Variants in ERC1 observed in about 807,000 individuals in gnomAD.
ERC1 encodes the protein RAB6 interacting protein 2.
ERC1 carries 56 observed loss-of-function variants against 132.0 expected under a neutral mutation model. The observed-to-expected ratio is 0.42, with a 90% confidence interval of 0.34 to 0.53. The LOEUF is 0.53. Among genes scored for constraint, ERC1 ranks in the 20% least tolerant of loss-of-function variants. The pLI, the probability that ERC1 is intolerant of heterozygous loss-of-function variation, is 0.03. For synonymous variants in ERC1, 478 were observed against 476.1 expected (o/e 1.00, Z -0.05); for missense variants, 1,202 against 1,349.9 (o/e 0.89, Z 1.72).
chr12:1,455,897 A>G (rs1480061080), intron 18 of ERC1, among the ~76,000 whole-genome samples: 6 of 152,210 alleles, frequency 3.9e-5, no homozygotes, highest in Non-Finnish European at 7.3e-5. Context: ...CTACACATTA[A>G]TTCCTTAGTT....
chr12:1,051,398 A>C (rs1971939010), intron 2 of ERC1, among the ~76,000 whole-genome samples: 4 of 152,114 alleles, frequency 2.6e-5, no homozygotes, highest in Admixed American at 2.0e-4. Context: ...AATTAGAAAT[A>C]AAGAAGACTG....
intron 15 of ERC1, among the ~76,000 whole-genome samples, chr12:1,295,255 C>T (rs539871843): frequency 1.3e-5 from 2 of 152,278 alleles, no homozygotes; most frequent in Admixed American, 6.5e-5. Context: ...CACTCAGATT[C>T]GAAAGGTCCC....
chr12:1,233,572 T>C (rs954639014), intron 12 of ERC1, among the ~76,000 whole-genome samples: 1 of 152,066 alleles, frequency 6.6e-6, no homozygotes, highest in Non-Finnish European at 1.5e-5. Context: ...TAATTATTAT[T>C]TTTACCTAAA....
At chr12:1,411,698 T>A (rs1001014224) in intron 17 of ERC1, among the ~76,000 whole-genome samples, 1 of 152,164 alleles carries the variant, frequency 6.6e-6, no homozygotes, top group South Asian at 2.1e-4. Flanking sequence ...TGGATGTAGT[T>A]TACTGGTCTC....
chr12:1,104,546 G>T (rs1945038973), intron 3 of ERC1, among the ~76,000 whole-genome samples: 1 of 152,136 alleles, frequency 6.6e-6, no homozygotes, highest in African/African-American at 2.4e-5. Flanking sequence ...TCAGAGATAG[G>T]GATCCTCCTA....
At chr12:1,069,168 GT>G (rs1157854843) in intron 2 of ERC1, among the ~76,000 whole-genome samples, 1 of 152,206 alleles carries the variant, frequency 6.6e-6, no homozygotes, top group Admixed American at 6.5e-5. Context: ...CATTTGTGGG[GT>G]TTTTTTGTTT....
At chr12:1,059,612 C>G (rs558743283) in intron 2 of ERC1, among the ~76,000 whole-genome samples, 1 of 152,184 alleles carries the variant, frequency 6.6e-6, no homozygotes, top group Non-Finnish European at 1.5e-5. Context: ...TTTTGTCATT[C>G]ATGCTGTTGA....
Position 1,168,215 on chromosome 12 carries a change from G to A in ERC1, c.1738-12325G>A, listed in dbSNP as rs568032244. ...GGCTCACTGCAGCCTCAACTTCCTG[G>A]GCTCAGGTGATCCTCCTACCTCAGT... On this transcript the variant is annotated intron_variant, in intron 8 of 18. Transcript: ENST00000360905. 3.3e-5 allele frequency among the ~76,000 whole-genome samples: 5 copies of A among 152,094 alleles called. No individual in the cohort carries two copies. The East Asian group carries it at 9.7e-4, about 29-fold the overall frequency.
At chr12:1,291,896 A>G (rs936373280) in intron 15 of ERC1, among the ~76,000 whole-genome samples, 2 of 152,210 alleles carry the variant, frequency 1.3e-5, no homozygotes, top group African/African-American at 2.4e-5. Flanking sequence ...TTTAATTGGC[A>G]GATCCCACAA....
chr12:1,022,902 G>A (rs1458466060), intron 1 of ERC1, among the ~76,000 whole-genome samples: 3 of 152,148 alleles, frequency 2.0e-5, no homozygotes, highest in Non-Finnish European at 4.4e-5. Context: ...ACAGGCGTTA[G>A]CCACCGCGCC....
intron 14 of ERC1, among the ~76,000 whole-genome samples, chr12:1,266,389 G>C (rs1390549824): frequency 1.7e-5 from 1 of 60,392 alleles, no homozygotes; most frequent in Non-Finnish European, 3.4e-5. Context: ...ATCGTTTCCT[G>C]TCTTTTTTTT....
chr12:1,017,495 AT>A (rs67654163), intron 1 of ERC1, among the ~76,000 whole-genome samples: 15,548 of 124,830 alleles, frequency 0.12, 1,112 homozygotes, highest in African/African-American at 0.28. Context: ...TTGTTCTGGT[AT>A]TTTTTTTTTT....
intron 16 of ERC1, chr12:1,380,006 A>G (rs572731171): frequency 1.3e-5 from 2 of 151,918 alleles, no homozygotes; most frequent in East Asian, 3.9e-4. Context: ...ACAGAAATGA[A>G]CTACAAATAC....
At chr12:1,116,506 C>A (rs543057475) in intron 7 of ERC1, among the ~76,000 whole-genome samples, 37 of 152,086 alleles carry the variant, frequency 2.4e-4, no homozygotes, top group Middle Eastern at 3.4e-3. Flanking sequence ...TAATTTTAAA[C>A]CACAGATTAT....
intron 17 of ERC1, among the ~76,000 whole-genome samples, chr12:1,435,882 G>A (rs983845852): frequency 6.6e-5 from 10 of 152,076 alleles, no homozygotes; most frequent in African/African-American, 2.4e-4. Context: ...GTTTCTCTTG[G>A]ATTTCGGGTA....
intron 1 of ERC1, among the ~76,000 whole-genome samples, chr12:1,008,197 G>T (rs769897220): frequency 6.6e-6 from 1 of 152,166 alleles, no homozygotes; most frequent in Non-Finnish European, 1.5e-5. Context: ...TCTTTTGGAC[G>T]GCACTGAGCT....
chr12:1,400,056 T>C (rs1433411403), intron 16 of ERC1, among the ~76,000 whole-genome samples: 1 of 152,100 alleles, frequency 6.6e-6, no homozygotes, highest in Non-Finnish European at 1.5e-5. Context: ...TTATTGACTT[T>C]TAATAGCCAC....
chr12:1,083,244 T>G lies in ERC1; in HGVS notation c.750T>G (p.Ser250Arg). The G allele has an allele frequency of 6.2e-7, 1 of 1,614,152 alleles. No individual in the cohort carries two copies. Among genetic ancestry groups the G allele is most frequent in the Non-Finnish European group, 8.5e-7 (1 of 1,179,998 alleles). ...TGAATCAGCTGTTTCAGCAGGATAG[T>G]AGCAGCAGGACTGGCGAACCTTGTG... is the stretch of plus-strand genomic sequence containing the variant. ...RDLNQLFQQD[S>R]SSRTGEPCVA... The change falls in exon 3 of 19, where the codon AGT (serine) becomes AGG (arginine). Residue 250 changes from serine to arginine, a missense_variant. Ser to Arg is a moderately radical substitution (Grantham distance 110, BLOSUM62 -1). Transcript: ENST00000360905.
At chr12:1,470,854 G>A (rs183360047) in intron 18 of ERC1, among the ~76,000 whole-genome samples, 7 of 152,234 alleles carry the variant, frequency 4.6e-5, no homozygotes, top group East Asian at 1.9e-4. Context: ...ACTGTACTTC[G>A]TCCAAGCATT....
Sources: gnomAD v4.1 joint callset for allele counts (sites outside exome capture counted in the v4.1 genomes callset) on GRCh38, gnomAD v4.1.1 for gene constraint, MANE v1.5 for transcripts, NCBI Gene and HGNC (gene_info 2026-07-23, HGNC 2026-07-21) for gene names.